The following VPS13A variants were observed in gnomAD, a reference collection of about 807,000 sequenced individuals.
VPS13A encodes the protein intermembrane lipid transfer protein VPS13A.
VPS13A carries 264 observed loss-of-function variants against 390.9 expected under a neutral mutation model. The ratio of observed to expected loss-of-function variants is 0.68; its 90% CI spans 0.61 to 0.75. VPS13A has a LOEUF of 0.75. Among genes scored for constraint, VPS13A ranks in the 30% least tolerant of loss-of-function variants. The pLI is 0.00. For missense variants in VPS13A, 3,409 were observed against 3,733.9 expected, an observed-to-expected ratio of 0.91 and a Z score of 2.27; for synonymous variants, 1,231 against 1,227.1, an observed-to-expected ratio of 1.00 and a Z score of -0.07.
At chr9:77,365,355 G>A in intron 59 of VPS13A, 105 bp from the exon 60 acceptor site, 1 of 733,362 alleles carries the variant, frequency 1.4e-6, no homozygotes, top group African/African-American at 1.8e-5. Context: ...AAGCAATGTT[G>A]AGTCTGGATC....
chr9:77,242,785 A>T (rs2131247082), intron 19 of VPS13A, among the ~76,000 whole-genome samples: 1 of 152,088 alleles, frequency 6.6e-6, no homozygotes. Flanking sequence ...ACTTAAAAAA[A>T]TTACCAAACA....
intron 23 of VPS13A, among the ~76,000 whole-genome samples, chr9:77,267,556 C>T (rs1050825533): frequency 2.2e-4 from 34 of 152,286 alleles, no homozygotes; most frequent in African/African-American, 8.2e-4. Context: ...CCCAGAGGGG[C>T]ACATGCCAGA....
chr9:77,194,367 G>GGT (rs1824865032), intron 1 of VPS13A, among the ~76,000 whole-genome samples: 1 of 151,884 alleles, frequency 6.6e-6, no homozygotes, highest in African/African-American at 2.4e-5. Context: ...GGGTTGGGGG[G>GGT]GGCGCTCAAA....
intron 52 of VPS13A, chr9:77,351,084 T>C: frequency 2.4e-6 from 1 of 422,786 alleles, no homozygotes; most frequent in Non-Finnish European, 4.3e-6. Context: ...TTTAAAGACT[T>C]GAAGACCTTT....
At position 77,351,487 on chromosome 9, in the gene VPS13A, T is replaced by A. The variant is rs1379168361; in HGVS notation, c.7419+41T>A. 4 of 1,606,614 alleles carry A rather than the reference T, an allele frequency of 2.5e-6. No homozygotes were observed. In the African/African-American group the frequency reaches 4.0e-5, roughly 16 times the overall value. On this transcript the variant is annotated intron_variant, in intron 53 of 71. Transcript: ENST00000360280. ...TTATGGTGTTCCCAGCAGCCTTTTT[T>A]AAAAAAGGTATTTGGGCCGGGTGCG...
chr9:77,303,174 G>A, intron 34 of VPS13A, 112 bp downstream of exon 34: 1 of 1,112,416 alleles, frequency 9.0e-7, no homozygotes, highest in South Asian at 1.3e-5. Context: ...ACCTTGGTCA[G>A]AATTGAAATA....
rs1422847063 is a variant in VPS13A at position 77,247,365 on chromosome 9, T to G, written c.2007T>G (p.Asn669Lys). Residue 669 changes from asparagine (N) to lysine (K), a missense_variant, in exon 20 of 72, where the codon AAT becomes AAG. Physicochemically the swap from Asn to Lys is moderately conservative, Grantham distance 94 (BLOSUM62 0). Transcript: ENST00000360280. ...ATGGAATTTTTAGTCCTACATCAAA[T>G]CTGCTTCTTTTGGACCTTGGTCATC... ...PQDGIFSPTS[N>K]LLLLDLGHLK... 1 of 1,612,638 alleles carries G rather than the reference T, an allele frequency of 6.2e-7. No individual in the cohort carries two copies. The highest frequency in any genetic ancestry group is 8.5e-7 in the Non-Finnish European group (1 of 1,179,336).
chr9:77,212,091 T>C (rs2131149443), intron 7 of VPS13A, among the ~76,000 whole-genome samples: 1 of 152,310 alleles, frequency 6.6e-6, no homozygotes, highest in South Asian at 2.1e-4. Context: ...CTTTGAGAGC[T>C]ACTATTCTAA....
chr9:77,220,118 T>C (rs769643671), intron 11 of VPS13A, 37 bp downstream of exon 11: 13 of 1,580,478 alleles, frequency 8.2e-6, no homozygotes, highest in South Asian at 1.1e-5. Context: ...TTGTGAATTA[T>C]TGTTTGATAA....
At chr9:77,400,223 A>ATTTTTT (rs34605855) in intron 68 of VPS13A, among the ~76,000 whole-genome samples, 43 of 88,112 alleles carry the variant, frequency 4.9e-4, no homozygotes, top group East Asian at 1.3e-3. Context: ...TATCAGTCAG[A>ATTTTTT]TTTTTTTTTT....
At chr9:77,382,953 G>T in intron 68 of VPS13A, 3 of 985,172 alleles carry the variant, frequency 3.0e-6, no homozygotes, top group Non-Finnish European at 3.6e-6. Flanking sequence ...GTGTCATGTT[G>T]TTTCTGTGGT....
At position 77,317,660 on chromosome 9, in the gene VPS13A, C is replaced by T. The variant is rs1829478568; in HGVS notation, c.4918C>T (p.Gln1640Ter). 1.2e-6 allele frequency: 2 copies of T among 1,601,434 alleles called. No homozygotes were observed. Among genetic ancestry groups the T allele is most frequent in the South Asian group, 1.1e-5 (1 of 88,836 alleles). ...AACTACTCAGAAAGGTACAGATCCA[C>T]AAGTGATCGATATGTCAGTAAAATC... is the stretch of plus-strand genomic sequence containing the variant. Reference protein sequence around the residue: ...YQTTQKGTDPQVIDMSVKSLT... With the variant: ...YQTTQKGTDP Residue 1640 changes from glutamine (Q) to a stop codon, truncating the protein, a stop_gained, in exon 40 of 72, where the codon CAA becomes TAA. Transcript: ENST00000360280. LOFTEE classifies it high-confidence loss of function.
chr9:77,310,493 A>G (rs1327793704), intron 35 of VPS13A, among the ~76,000 whole-genome samples: 1 of 152,200 alleles, frequency 6.6e-6, no homozygotes, highest in East Asian at 1.9e-4. Context: ...GCAGAAGTGA[A>G]GTGGACTAAA....
At chr9:77,386,586 C>T (rs968480431) in intron 68 of VPS13A, among the ~76,000 whole-genome samples, 8 of 151,514 alleles carry the variant, frequency 5.3e-5, no homozygotes, top group African/African-American at 1.9e-4. Context: ...TTTAAAATTT[C>T]TTCAGTAAAA....
intron 17 of VPS13A, among the ~76,000 whole-genome samples, chr9:77,235,563 A>T (rs62573190): frequency 0.1 from 15,483 of 152,052 alleles, 818 homozygotes; most frequent in Middle Eastern, 0.13. Context: ...AGCTTCTTGG[A>T]TGTATAAATT....
At chr9:77,238,531 T>C (rs1587394016) in intron 19 of VPS13A, 145 bp downstream of exon 19, 2 of 727,574 alleles carry the variant, frequency 2.7e-6, no homozygotes, top group East Asian at 2.7e-5. Context: ...AATTTAGTAC[T>C]TTTATGTTTA....
rs921684024 is a variant in VPS13A, at chr9:77,201,526, T to C, written c.187+119T>C. 5 of 952,592 alleles carry C rather than the reference T, an allele frequency of 5.2e-6. No individual in the cohort carries two copies. The Admixed American group carries it at 8.7e-5, about 17-fold the overall frequency. The allele number at this position is 952,592 out of a possible 1,614,324, so 59.0% of individuals were successfully genotyped here. A position where few individuals can be genotyped will look rare whatever the true frequency, so the allele number is the denominator to read the frequency against. On this transcript the variant is annotated intron_variant, in intron 3 of 71. Coordinates refer to ENST00000360280, the MANE Select transcript of VPS13A (RefSeq NM_033305.3). ...TCTGAGCATCAATTAAAAATAATCA[T>C]GTGTTTTTGTCTCAGTAGAGCTTTG...
Position 77,314,523 on chromosome 9 carries a change from C to A in VPS13A, c.4271C>A (p.Ser1424Tyr), listed in dbSNP as rs1230886666. 4 of 1,612,256 alleles carry A rather than the reference C, an allele frequency of 2.5e-6. No individual in the cohort carries two copies. In the African/African-American group the frequency reaches 5.3e-5, roughly 22 times the overall value. The change falls in exon 37 of 72, where the codon TCT (serine) becomes TAT (tyrosine). Residue 1424 changes from serine to tyrosine, a missense_variant. Ser to Tyr is a moderately radical substitution (Grantham distance 144). This residue lies in a region of VPS13A where 2,717 missense variants were observed against 2,917.4 expected (regional missense o/e 0.93). Transcript: ENST00000360280. ...TCCTTTACAGATGTTCGTGATCCTT[C>A]TCTGAAACTTGCTGAATTTAAATTG... Reference protein sequence around the residue: ...QASFTDVRDPSLKLAEFKLEN... With the variant: ...QASFTDVRDPYLKLAEFKLEN...
intron 45 of VPS13A, among the ~76,000 whole-genome samples, chr9:77,325,296 T>C (rs1829952863): frequency 1.3e-5 from 2 of 152,156 alleles, no homozygotes. Context: ...AGCCCACTTC[T>C]TAACAGGCCA....
Sources: gnomAD v4.1 joint callset for allele counts (sites outside exome capture counted in the v4.1 genomes callset) on GRCh38, gnomAD v4.1.1 for gene constraint, gnomAD v4.1.1 regional missense constraint, MANE v1.5 for transcripts, NCBI Gene and HGNC (gene_info 2026-07-23, HGNC 2026-07-21) for gene names.